FANCD2: variants seen among roughly 807,000 people sequenced by gnomAD.
FANCD2 encodes Fanconi anemia group D2 protein.
Under a neutral mutation model 192.3 loss-of-function variants are expected in FANCD2, and 131 were observed. The observed-to-expected ratio is 0.68, with a 90% CI of 0.59 to 0.79. The LOEUF (loss-of-function observed/expected upper bound fraction) is 0.79. Among genes scored for constraint, FANCD2 ranks in the 30% least tolerant of loss-of-function variants. FANCD2 has a pLI of 0.00. For synonymous variants in FANCD2, 524 were observed against 612.5 expected (o/e 0.86, Z 2.13); for missense variants, 1,508 against 1,701.6 (o/e 0.89, Z 2.00).
intron 14 of FANCD2, among the ~76,000 whole-genome samples, chr3:10,044,107 A>C (rs1226673776): frequency 1.3e-5 from 2 of 152,192 alleles, no homozygotes; most frequent in Non-Finnish European, 2.9e-5. Context: ...GGAAATACTA[A>C]CAGTGTAAAC....
At chr3:10,069,855 C>G (rs574454997) in intron 26 of FANCD2, among the ~76,000 whole-genome samples, 17 of 151,784 alleles carry the variant, frequency 1.1e-4, no homozygotes, top group Admixed American at 4.6e-4. Context: ...CCCAAAGTGC[C>G]GAGATTGCAG....
rs550273149 is a variant in FANCD2, at chr3:10,072,048, G to C, written c.2495-823G>C. Among the ~76,000 whole-genome samples, 5 of 152,194 alleles carry C rather than the reference G, an allele frequency of 3.3e-5. No individual in the cohort carries two copies. In the South Asian group the frequency reaches 6.2e-4, roughly 19 times the overall value. On this transcript the variant is annotated intron_variant, in intron 26 of 43. Transcript: ENST00000675286. ...GTGCTGGGATTACAGGCATGAGCCA[G>C]AGAGCCCAGCCAAGATCTAGTTTTT...
chr3:10,057,682 G>C (rs1479369441), intron 18 of FANCD2, among the ~76,000 whole-genome samples: 1 of 152,008 alleles, frequency 6.6e-6, no homozygotes, highest in African/African-American at 2.4e-5. Flanking sequence ...TTTTAAGATG[G>C]CACTCACCAT....
chr3:10,084,997 A>G (rs934855200), intron 32 of FANCD2, among the ~76,000 whole-genome samples: 1 of 152,230 alleles, frequency 6.6e-6, no homozygotes, highest in Admixed American at 6.5e-5. Flanking sequence ...GGCCAAAATG[A>G]TGGTCTAGGC....
rs34608006 is a variant in FANCD2, at chr3:10,065,836, G to T, written c.2270-28G>T. ...CAGGTTTTATTGGCTTGCACTAAAG[G>T]TAGTTGGAAATGTTTGTTCTCTCTC... On this transcript the variant is annotated intron_variant, in intron 24 of 43. Transcript: ENST00000675286. 239,890 of 1,417,858 alleles carry T rather than the reference G, an allele frequency of 0.17. 21,757 individuals are homozygous for T. Among genetic ancestry groups the T allele is most frequent in the African/African-American group, 0.31 (22,231 of 71,090 alleles). 87.8% of individuals were successfully genotyped at this position (1,417,858 alleles called of 1,614,324 possible). A position where few individuals can be genotyped will look rare whatever the true frequency, so the allele number is the denominator to read the frequency against.
In FANCD2 at chr3:10,055,429, G is replaced by C. The variant is rs147294022; in HGVS notation, c.1656+2932G>C. ...GGAATCATACGATATGTATCCTTTTGCGTCTCGCTTATTTCACTTAGCATA... is the reference window on the plus strand; with the variant it reads ...GGAATCATACGATATGTATCCTTTTCCGTCTCGCTTATTTCACTTAGCATA... On this transcript the variant is annotated intron_variant, in intron 18 of 43. Transcript: ENST00000675286. Among the ~76,000 whole-genome samples, 589 of 151,928 alleles carry C rather than the reference G, an allele frequency of 3.9e-3. 17 individuals carry two copies. The South Asian group carries it at 0.053, about 14-fold the overall frequency.
In FANCD2 at chr3:10,039,351, TG is replaced by T; in HGVS notation, c.566del (p.Gly189AlafsTer11). 1 of 1,612,392 alleles carries T rather than the reference TG, an allele frequency of 6.2e-7. No individual in the cohort carries two copies. Among genetic ancestry groups the T allele is most frequent in the Non-Finnish European group, 8.5e-7 (1 of 1,178,462 alleles). ...QLKWLDRVVD[G>X]KDLTTKIMQL... ...TAAAATGGCTTGACAGAGTTGTGGA[TG>T]GCAAGGTAGGCTTATGGACTTTATC... On this transcript the variant is annotated frameshift_variant, in exon 8 of 44. Coordinates refer to ENST00000675286, the MANE Select transcript of FANCD2 (RefSeq NM_001018115.3). LOFTEE classifies it high-confidence loss of function.
chr3:10,036,212 C>A, intron 6 of FANCD2, 75 bp from the exon 7 acceptor site: 1 of 1,315,426 alleles, frequency 7.6e-7, no homozygotes, highest in Non-Finnish European at 1.1e-6. Flanking sequence ...CCTCAGCCTC[C>A]CAAGTAGCTG....
intron 1 of FANCD2, 47 bp from the exon 2 acceptor site, chr3:10,028,578 G>A: frequency 3.9e-6 from 5 of 1,283,742 alleles, no homozygotes; most frequent in Non-Finnish European, 5.7e-6. Flanking sequence ...TAACTTCTCA[G>A]AATTTATCTT....
At chr3:10,031,232 G>C (rs1252903065) in intron 2 of FANCD2, among the ~76,000 whole-genome samples, 1 of 151,924 alleles carries the variant, frequency 6.6e-6, no homozygotes, top group African/African-American at 2.4e-5. Context: ...GGCCAGGCAC[G>C]GTGGCTCACG....
intron 14 of FANCD2, among the ~76,000 whole-genome samples, chr3:10,046,055 CTTT>C (rs57661428): frequency 4.0e-5 from 5 of 124,394 alleles, no homozygotes; most frequent in African/African-American, 1.3e-4. Context: ...GCTCTGTATT[CTTT>C]TTTTTTTTTT....
At chr3:10,033,489 G>C (rs1365858550) in intron 3 of FANCD2, among the ~76,000 whole-genome samples, 1 of 151,652 alleles carries the variant, frequency 6.6e-6, no homozygotes, top group Non-Finnish European at 1.5e-5. Context: ...CCTTTTATTA[G>C]AAAAAATATT....
At chr3:10,054,340 T>C (rs2087310412) in intron 18 of FANCD2, among the ~76,000 whole-genome samples, 1 of 136,852 alleles carries the variant, frequency 7.3e-6, no homozygotes, top group African/African-American at 2.9e-5. Context: ...AACCAGCATA[T>C]ATATATATAT....
In FANCD2 at chr3:10,047,935, T is replaced by G; in HGVS notation, c.1297T>G (p.Ser433Ala). Residue 433 changes from serine to alanine, a missense_variant, in exon 16 of 44, where the codon TCA becomes GCA. Around this residue, in one of 5 missense-constraint regions of FANCD2, gnomAD observed 108 missense variants for 174.1 expected, o/e 0.62. Transcript: ENST00000675286. ...VHYLVLKDMCSSILSLAQSLL... is the reference protein window; with the variant it reads ...VHYLVLKDMCASILSLAQSLL... ...ACTCAAGGTTCTTAAGGATATGTGTTCATCCATTCTGTCGCTGGCTCAGAG... is the reference window on the plus strand; with the variant it reads ...ACTCAAGGTTCTTAAGGATATGTGTGCATCCATTCTGTCGCTGGCTCAGAG... The G allele has an allele frequency of 6.2e-7, 1 of 1,613,078 alleles. No individual in the cohort carries two copies. The highest frequency in any genetic ancestry group is 8.5e-7 in the Non-Finnish European group (1 of 1,180,044).
At chr3:10,061,035 T>A (rs1179103112) in intron 19 of FANCD2, among the ~76,000 whole-genome samples, 1 of 152,192 alleles carries the variant, frequency 6.6e-6, no homozygotes, top group Non-Finnish European at 1.5e-5. Context: ...ACAAAGTATG[T>A]AAGTCTGCCT....
At chr3:10,093,644 T>C (rs1694784475) in intron 39 of FANCD2, among the ~76,000 whole-genome samples, 1 of 152,168 alleles carries the variant, frequency 6.6e-6, no homozygotes, top group Non-Finnish European at 1.5e-5. Context: ...GAGTAGATGA[T>C]TTTTCTTTAA....
intron 25 of FANCD2, 84 bp from the exon 26 acceptor site, chr3:10,067,125 C>A: frequency 1.1e-6 from 1 of 882,544 alleles, no homozygotes; most frequent in Non-Finnish European, 1.8e-6. Context: ...TTTTCATAGA[C>A]ATCTCTCAGC....
intron 30 of FANCD2, 24 bp from the exon 31 acceptor site, chr3:10,081,076 C>T: frequency 6.2e-7 from 1 of 1,613,838 alleles, no homozygotes; most frequent in Non-Finnish European, 8.5e-7. Context: ...AGTTTCTTCA[C>T]TCATAACTCT....
intron 7 of FANCD2, among the ~76,000 whole-genome samples, chr3:10,038,709 T>C (rs2086790592): frequency 6.6e-6 from 1 of 151,826 alleles, no homozygotes; most frequent in Non-Finnish European, 1.5e-5. Flanking sequence ...GCCTCCCAAG[T>C]AGCTGGGATT....
Sources: allele counts gnomAD v4.1 joint callset (sites outside exome capture counted in the v4.1 genomes callset), GRCh38; gene constraint gnomAD v4.1.1; regional missense constraint gnomAD v4.1.1; transcripts MANE v1.5; gene names NCBI Gene and HGNC (gene_info 2026-07-23, HGNC 2026-07-21).